Variants in SPMIP2 observed in about 807,000 individuals in gnomAD.
SPMIP2 encodes sperm microtubule inner protein 2.
the SPMIP2 span, among the ~76,000 whole-genome samples, chr4:158,992,308 C>T: frequency 2.0e-5 from 3 of 152,204 alleles, no homozygotes; most frequent in Non-Finnish European, 2.9e-5. Context: ...CTGCTGGCTA[C>T]ATTTGCCTTG....
At chr4:159,073,201 T>C in the SPMIP2 span, among the ~76,000 whole-genome samples, 1 of 152,174 alleles carries the variant, frequency 6.6e-6, no homozygotes, top group Admixed American at 6.5e-5. Flanking sequence ...TCACCCAGGC[T>C]GGAGTGCAGT....
chr4:158,902,368 A>G, the SPMIP2 span, among the ~76,000 whole-genome samples: 2 of 152,208 alleles, frequency 1.3e-5, no homozygotes, highest in African/African-American at 4.8e-5. Flanking sequence ...GCTTCGTCCC[A>G]GAGGGGCACC....
chr4:158,986,081 T>A, the SPMIP2 span, among the ~76,000 whole-genome samples: 1 of 150,926 alleles, frequency 6.6e-6, no homozygotes, highest in Non-Finnish European at 1.5e-5. Flanking sequence ...TTACAAGGGA[T>A]GTGAAGGACC....
chr4:158,941,902 G>C, the SPMIP2 span, among the ~76,000 whole-genome samples: 1 of 152,024 alleles, frequency 6.6e-6, no homozygotes, highest in Non-Finnish European at 1.5e-5. Context: ...TGCAGATTAA[G>C]AGATGGTGGT....
chr4:159,047,120 T>G, the SPMIP2 span, among the ~76,000 whole-genome samples: 3 of 152,248 alleles, frequency 2.0e-5, no homozygotes, highest in Admixed American at 6.5e-5. Context: ...AGACCACTTA[T>G]GCTCTGGAAC....
chr4:158,929,722 AATTAC>A, the SPMIP2 span, among the ~76,000 whole-genome samples: 9 of 152,208 alleles, frequency 5.9e-5, no homozygotes, highest in Non-Finnish European at 1.2e-4. Flanking sequence ...GTTTTAGACA[AATTAC>A]ATTTTTCTAA....
At chr4:158,966,062 G>A in the SPMIP2 span, among the ~76,000 whole-genome samples, 1 of 152,208 alleles carries the variant, frequency 6.6e-6, no homozygotes, top group Non-Finnish European at 1.5e-5. Context: ...TTCTTCCCGA[G>A]TAGGTGGTCA....
chr4:159,026,884 T>C, the SPMIP2 span, among the ~76,000 whole-genome samples: 1 of 150,062 alleles, frequency 6.7e-6, no homozygotes, highest in Non-Finnish European at 1.5e-5. Context: ...TATTTATATA[T>C]TTATATTTAT....
the SPMIP2 span, chr4:159,007,705 C>A: frequency 1.4e-6 from 1 of 693,026 alleles, no homozygotes. Flanking sequence ...CGAGATGAGG[C>A]AGCCTATGGG....
the SPMIP2 span, among the ~76,000 whole-genome samples, chr4:159,044,788 G>A: frequency 1.3e-5 from 2 of 152,208 alleles, no homozygotes; most frequent in African/African-American, 2.4e-5. Flanking sequence ...TTTCTTTAGT[G>A]TGTTAAAGTC....
At chr4:159,008,851 AT>A in the SPMIP2 span, among the ~76,000 whole-genome samples, 1 of 152,200 alleles carries the variant, frequency 6.6e-6, no homozygotes, top group Non-Finnish European at 1.5e-5. Context: ...ACACATTATA[AT>A]TGAAAAAATA....
chr4:158,916,697 G>C, the SPMIP2 span, among the ~76,000 whole-genome samples: 1 of 152,172 alleles, frequency 6.6e-6, no homozygotes, highest in African/African-American at 2.4e-5. Context: ...AGGCTGGAGT[G>C]CAATGACACG....
At chr4:158,996,174 A>G in the SPMIP2 span, among the ~76,000 whole-genome samples, 1,207 of 152,332 alleles carry the variant, frequency 7.9e-3, 16 homozygotes, top group African/African-American at 0.028. Flanking sequence ...AATCAAAAAT[A>G]TAAAATTCTG....
chr4:158,961,296 A>G, the SPMIP2 span, among the ~76,000 whole-genome samples: 1 of 152,072 alleles, frequency 6.6e-6, no homozygotes, highest in Non-Finnish European at 1.5e-5. Context: ...GTTCAGAATG[A>G]CTTTCCTTAT....
the SPMIP2 span, among the ~76,000 whole-genome samples, chr4:159,022,522 G>A: frequency 6.6e-6 from 1 of 152,182 alleles, no homozygotes; most frequent in East Asian, 1.9e-4. Context: ...TCTCCCACAT[G>A]TGTCACTGGA....
chr4:158,955,138 T>C, the SPMIP2 span, among the ~76,000 whole-genome samples: 2 of 152,078 alleles, frequency 1.3e-5, no homozygotes, highest in African/African-American at 4.8e-5. Context: ...AGATTAAAGA[T>C]TTAAAATACA....
chr4:159,078,391 C>T, the SPMIP2 span, among the ~76,000 whole-genome samples: 4 of 152,138 alleles, frequency 2.6e-5, no homozygotes, highest in Admixed American at 1.3e-4. Context: ...TTCTGAATTT[C>T]GAAAAGATGA....
chr4:159,035,035 G>A, the SPMIP2 span: 1 of 1,611,334 alleles, frequency 6.2e-7, no homozygotes, highest in Non-Finnish European at 8.5e-7. Flanking sequence ...CTATTTACCT[G>A]TAAAAATCAT....
chr4:159,004,172 A>G, the SPMIP2 span, among the ~76,000 whole-genome samples: 7 of 151,844 alleles, frequency 4.6e-5, no homozygotes, highest in Non-Finnish European at 7.4e-5. Context: ...GTGTGCCAAC[A>G]CACCTGGCTA....
Sources: gnomAD v4.1 joint callset for allele counts (sites outside exome capture counted in the v4.1 genomes callset) on GRCh38, gnomAD v4.1.1 for gene constraint, MANE v1.5 for transcripts, NCBI Gene and HGNC (gene_info 2026-07-23, HGNC 2026-07-21) for gene names.